The following GRIP1 variants were observed in gnomAD, a reference collection of about 807,000 sequenced individuals.
GRIP1 encodes glutamate receptor interacting protein 1.
Under a neutral mutation model 129.9 loss-of-function variants are expected in GRIP1, and 45 were observed. That is an observed-to-expected ratio of 0.35 (90% confidence interval 0.27 to 0.44). GRIP1 has a LOEUF of 0.44. Among genes scored for constraint, GRIP1 ranks in the 20% least tolerant of loss-of-function variants. GRIP1 has a pLI of 1.00. For missense variants in GRIP1, 1,196 were observed against 1,396.8 expected, an observed-to-expected ratio of 0.86 and a Z score of 2.29; for synonymous variants, 530 against 520.8, an observed-to-expected ratio of 1.02 and a Z score of -0.24.
At chr12:66,803,263 A>G (rs1321872415) in intron 1 of GRIP1, among the ~76,000 whole-genome samples, 1 of 152,220 alleles carries the variant, frequency 6.6e-6, no homozygotes, top group Non-Finnish European at 1.5e-5. Flanking sequence ...TAGATCATAC[A>G]TAACTGTCAT....
rs1312439110 is a variant in GRIP1 at position 66,564,381 on chromosome 12, G to A, written c.137-22431C>T. On this transcript the variant is annotated intron_variant, in intron 2 of 24. Coordinates refer to ENST00000359742, the MANE Select transcript of GRIP1 (RefSeq NM_001366722.1). ...TATGAGTGAGAAGATGTAGTGTTTGGTTTTCTGTCCTTGTGATAGTTTGCT... is the reference window on the plus strand; with the variant it reads ...TATGAGTGAGAAGATGTAGTGTTTGATTTTCTGTCCTTGTGATAGTTTGCT... Among the ~76,000 whole-genome samples, 3 of 150,112 alleles carry A rather than the reference G, an allele frequency of 2.0e-5. No individual in the cohort carries two copies. In the Admixed American group the frequency reaches 2.0e-4, roughly 10 times the overall value.
intron 4 of GRIP1, among the ~76,000 whole-genome samples, chr12:66,535,958 A>T (rs966088018): frequency 6.6e-6 from 1 of 152,200 alleles, no homozygotes; most frequent in Non-Finnish European, 1.5e-5. Context: ...ATTTCAAGCC[A>T]TGAACTGCTG....
chr12:66,878,468 G>A (rs1197719200), intron 1 of GRIP1, among the ~76,000 whole-genome samples: 1 of 151,950 alleles, frequency 6.6e-6, no homozygotes, highest in African/African-American at 2.4e-5. Flanking sequence ...GCCTGGGAGA[G>A]GAGAAAATGG....
At chr12:66,816,015 G>A (rs1177004302) in intron 1 of GRIP1, among the ~76,000 whole-genome samples, 1 of 152,030 alleles carries the variant, frequency 6.6e-6, no homozygotes, top group Non-Finnish European at 1.5e-5. Context: ...ATTCATGAGT[G>A]TGACTCAATA....
At chr12:66,536,765 T>C (rs2061617185) in intron 4 of GRIP1, among the ~76,000 whole-genome samples, 1 of 152,212 alleles carries the variant, frequency 6.6e-6, no homozygotes, top group Non-Finnish European at 1.5e-5. Flanking sequence ...TGCTACAATA[T>C]AAACTCTACT....
Position 66,943,107 on chromosome 12 carries a change from T to C in GRIP1, c.58+125943A>G, listed in dbSNP as rs57242270. On this transcript the variant is annotated intron_variant, in intron 1 of 1. Transcript: ENST00000643019. The stretch of plus-strand genomic sequence containing the variant: ...TGTAAAAATTTGGGAGATTCTTTTG[T>C]TGCTAATTTTGTCTTCTAATCTTAT... 2.9e-4 allele frequency among the ~76,000 whole-genome samples: 44 copies of C among 152,350 alleles called. No individual in the cohort carries two copies. The East Asian group carries it at 7.9e-3, about 27-fold the overall frequency.
At chr12:66,408,981 G>A (rs889972058) in intron 15 of GRIP1, among the ~76,000 whole-genome samples, 1 of 152,168 alleles carries the variant, frequency 6.6e-6, no homozygotes, top group African/African-American at 2.4e-5. Flanking sequence ...CTTGTGTCTT[G>A]GGTGCCAGCT....
chr12:66,849,959 C>T lies in GRIP1; in HGVS notation c.58+219091G>A, dbSNP rs529604189. ...GAGAGCTCCAACCCAGTTTCTCAGTCTTTCTGTGCCACAGTTTCCTCTTTC... is the reference window on the plus strand; with the variant it reads ...GAGAGCTCCAACCCAGTTTCTCAGTTTTTCTGTGCCACAGTTTCCTCTTTC... On this transcript the variant is annotated intron_variant, in intron 1 of 1. Transcript: ENST00000643019. Among the ~76,000 whole-genome samples the T allele has an allele frequency of 1.1e-4, 17 of 152,274 alleles. No homozygotes were observed. The East Asian group carries it at 3.3e-3, about 29-fold the overall frequency.
At chr12:66,452,821 A>T (rs953239912) in intron 11 of GRIP1, among the ~76,000 whole-genome samples, 1 of 152,170 alleles carries the variant, frequency 6.6e-6, no homozygotes, top group African/African-American at 2.4e-5. Context: ...ACCATACCAA[A>T]CCTATGCAAT....
chr12:66,738,493 T>C (rs1274349462), intron 1 of GRIP1, among the ~76,000 whole-genome samples: 2 of 152,098 alleles, frequency 1.3e-5, no homozygotes, highest in Non-Finnish European at 2.9e-5. Context: ...AGTGCTAGGA[T>C]CACAGGCATG....
intron 16 of GRIP1, among the ~76,000 whole-genome samples, chr12:66,403,543 T>C (rs933857357): frequency 1.3e-5 from 2 of 152,184 alleles, no homozygotes; most frequent in Admixed American, 6.5e-5. Flanking sequence ...CAAAGAGTGA[T>C]CTTTTATAAA....
At chr12:66,360,223 C>A (rs1041094071) in intron 23 of GRIP1, among the ~76,000 whole-genome samples, 1 of 151,762 alleles carries the variant, frequency 6.6e-6, no homozygotes, top group Admixed American at 6.6e-5. Context: ...GGTCAGGCAG[C>A]CTTTATTCAT....
intron 1 of GRIP1, among the ~76,000 whole-genome samples, chr12:66,958,232 T>G (rs1445938615): frequency 6.6e-6 from 1 of 152,148 alleles, no homozygotes. Context: ...CTGGAACTTC[T>G]GGGCTCAAGT....
intron 2 of GRIP1, among the ~76,000 whole-genome samples, chr12:66,573,231 C>T (rs149279629): frequency 0.01 from 1,539 of 152,196 alleles, 16 homozygotes; most frequent in Non-Finnish European, 0.017. Context: ...AAGCCCTGAA[C>T]TGAATTCGGC....
intron 1 of GRIP1, among the ~76,000 whole-genome samples, chr12:66,914,678 C>T (rs1032572302): frequency 3.3e-5 from 5 of 152,142 alleles, no homozygotes; most frequent in African/African-American, 7.2e-5. Flanking sequence ...CCCTGTTTGG[C>T]GTTTCTCTGG....
intron 1 of GRIP1, among the ~76,000 whole-genome samples, chr12:66,899,362 G>T (rs1566070176): frequency 6.6e-6 from 1 of 151,438 alleles, no homozygotes; most frequent in African/African-American, 2.4e-5. Flanking sequence ...TGTCCCATGT[G>T]AAAAAAAATT....
intron 1 of GRIP1, among the ~76,000 whole-genome samples, chr12:66,627,452 T>C (rs1029980239): frequency 2.0e-5 from 3 of 152,228 alleles, no homozygotes; most frequent in African/African-American, 7.2e-5. Context: ...GTGTCAAGTA[T>C]ATGTCTGACA....
intron 1 of GRIP1, among the ~76,000 whole-genome samples, chr12:66,641,153 T>C (rs1290250564): frequency 6.6e-6 from 1 of 152,246 alleles, no homozygotes; most frequent in Non-Finnish European, 1.5e-5. Context: ...AATTTATCCA[T>C]TCACTTAAGT....
Position 66,815,854 on chromosome 12 carries a change from T to TTCTTTCTTTC in GRIP1, c.59-218928_59-218927insGAAAGAAAGA, listed in dbSNP as rs1555241802. Among the ~76,000 whole-genome samples the TTCTTTCTTTC allele has an allele frequency of 1.7e-3, 196 of 116,794 alleles. 1 individual carries two copies. The highest frequency in any genetic ancestry group is 3.2e-3 in the African/African-American group (98 of 30,798). The allele number at this position is 116,794 out of a possible 152,430, so 76.6% of individuals were successfully genotyped here. A position where few individuals can be genotyped will look rare whatever the true frequency, so the allele number is the denominator to read the frequency against. On this transcript the variant is annotated intron_variant, in intron 1 of 1. Transcript: ENST00000643019. Reference sequence around the variant, plus strand: ...TTTCTTTCTTTCTTTCTTTCTTTCTTTCTCTCTCTCTCTCTCTCTCTCTCT... The same window carrying TTCTTTCTTTC: ...TTTCTTTCTTTCTTTCTTTCTTTCTTTCTTTCTTTCTCTCTCTCTCTCTCTCTCTCTCTCT...
Sources: gnomAD v4.1 joint callset for allele counts (sites outside exome capture counted in the v4.1 genomes callset) on GRCh38, gnomAD v4.1.1 for gene constraint, MANE v1.5 for transcripts, NCBI Gene and HGNC (gene_info 2026-07-23, HGNC 2026-07-21) for gene names.